CYP7A1: variants seen among roughly 807,000 people sequenced by gnomAD.
The protein encoded by CYP7A1 is cytochrome P450 family 7 subfamily A member 1, also known as cytochrome P450 7A1.
A neutral mutation model predicts 43.8 loss-of-function variants in CYP7A1; 28 were observed. The observed-to-expected ratio is 0.64, with a 90% CI of 0.47 to 0.88. The LOEUF (loss-of-function observed/expected upper bound fraction) is 0.88. Among genes scored for constraint, CYP7A1 ranks in the 40% least tolerant of loss-of-function variants. CYP7A1 has a pLI of 0.00. For missense variants in CYP7A1, 637 were observed against 611.9 expected (o/e 1.04, Z -0.43); for synonymous variants, 227 against 222.5 (o/e 1.02, Z -0.18).
In CYP7A1 at chr8:58,496,645, G is replaced by A. The variant is rs761796743; in HGVS notation, c.867C>T (p.Asn289=). 8 of 1,614,212 alleles carry A rather than the reference G, an allele frequency of 5.0e-6. 1 individual carries two copies. The South Asian group carries it at 8.8e-5, about 18-fold the overall frequency. The change falls in exon 3 of 6, where the codon AAC becomes AAT. Residue 289 remains asparagine, a synonymous_variant. Coordinates refer to ENST00000301645, the MANE Select transcript of CYP7A1 (RefSeq NM_000780.4). ...HLVVLWASQA[N]TIPATFWSLF... Reference sequence around the variant, plus strand: ...AACTCCAGAAAGTCGCTGGAATGGTGTTTGCTTGCGATGCCCAGAGGACCA... The same window carrying A: ...AACTCCAGAAAGTCGCTGGAATGGTATTTGCTTGCGATGCCCAGAGGACCA...
At chr8:58,498,193 A>G in intron 2 of CYP7A1, 36 bp downstream of exon 2, 1 of 1,611,382 alleles carries the variant, frequency 6.2e-7, no homozygotes, top group African/African-American at 1.3e-5. Flanking sequence ...AAGGTAGAAG[A>G]CAAACAGAAT....
At position 58,494,629 on chromosome 8, in the gene CYP7A1, C is replaced by G; in HGVS notation, c.916G>C (p.Glu306Gln). ...TCTTCAGTAGCTGCTTTCATTGCTT[C>G]TGGGTTCCTATTAAAAGGTAAGAGA... ...WSLFQMIRNP[E>Q]AMKAATEEVK... The change falls in exon 4 of 6, where the codon GAA (glutamate) becomes CAA (glutamine). Residue 306 changes from glutamate to glutamine, a missense_variant. Physicochemically the swap from Glu to Gln is conservative, Grantham distance 29 (BLOSUM62 2). Transcript: ENST00000301645. 1 of 1,613,882 alleles carries G rather than the reference C, an allele frequency of 6.2e-7. No individual in the cohort carries two copies. Among genetic ancestry groups the G allele is most frequent in the South Asian group, 1.1e-5 (1 of 91,080 alleles).
chr8:58,496,734 G>A lies in CYP7A1; in HGVS notation c.778C>T (p.Arg260Cys). 3 of 1,614,142 alleles carry A rather than the reference G, an allele frequency of 1.9e-6. No individual in the cohort carries two copies. The highest frequency in any genetic ancestry group is 2.5e-6 in the Non-Finnish European group (3 of 1,179,990). The change falls in exon 3 of 6, where the codon CGC (arginine) becomes TGC (cysteine). Residue 260 changes from arginine (R) to cysteine (C), a missense_variant. Physicochemically the swap from Arg to Cys is radical, Grantham distance 180. Coordinates refer to ENST00000301645, the MANE Select transcript of CYP7A1 (RefSeq NM_000780.4). ...GACAAAGTGTCATTGAGAAACATGCGCAGGCTGATCAGTTCTGAGATGCTT... is the reference window on the plus strand; with the variant it reads ...GACAAAGTGTCATTGAGAAACATGCACAGGCTGATCAGTTCTGAGATGCTT... ...RESISELISL[R>C]MFLNDTLSTF...
At chr8:58,494,429 T>C (rs1264337105) in intron 4 of CYP7A1, 77 bp downstream of exon 4, 5 of 1,470,930 alleles carry the variant, frequency 3.4e-6, no homozygotes. Flanking sequence ...ATTCGGTAAG[T>C]ATATAATTTA....
In CYP7A1 at chr8:58,492,338, T is replaced by A. The variant is rs1809363563; in HGVS notation, c.1215+15A>T. On this transcript the variant is annotated intron_variant, in intron 5 of 5. Coordinates refer to ENST00000301645, the MANE Select transcript of CYP7A1 (RefSeq NM_000780.4). ...CTATCACCTGGATATTGAATTTCAATGGGCAGGCACTTACCAAAGGGTCTG... is the reference window on the plus strand; with the variant it reads ...CTATCACCTGGATATTGAATTTCAAAGGGCAGGCACTTACCAAAGGGTCTG... 5.6e-6 allele frequency: 9 copies of A among 1,604,672 alleles called. No homozygotes were observed. Among genetic ancestry groups the A allele is most frequent in the Non-Finnish European group, 7.7e-6 (9 of 1,171,390 alleles).
In CYP7A1 at chr8:58,496,657, T is replaced by C; in HGVS notation, c.855A>G (p.Ala285=). The C allele has an allele frequency of 6.2e-7, 1 of 1,614,224 alleles. No homozygotes were observed. Among genetic ancestry groups the C allele is most frequent in the Non-Finnish European group, 8.5e-7 (1 of 1,180,028 alleles). The change falls in exon 3 of 6, where the codon GCA becomes GCG. Residue 285 remains alanine, a synonymous_variant. Transcript: ENST00000301645. The stretch of plus-strand genomic sequence containing the variant: ...TCGCTGGAATGGTGTTTGCTTGCGA[T>C]GCCCAGAGGACCACGAGGTGTGTCT... ...KAKTHLVVLW[A]SQANTIPATF...
chr8:58,495,765 T>C (rs938004889), intron 3 of CYP7A1, among the ~76,000 whole-genome samples: 1 of 152,232 alleles, frequency 6.6e-6, no homozygotes, highest in Non-Finnish European at 1.5e-5. Flanking sequence ...TAGTCAACAT[T>C]TGTGACAAAT....
intron 3 of CYP7A1, among the ~76,000 whole-genome samples, chr8:58,496,301 G>A (rs1696140851): frequency 6.6e-6 from 1 of 152,176 alleles, no homozygotes; most frequent in Non-Finnish European, 1.5e-5. Flanking sequence ...TAAGAGCAAG[G>A]GCTCTGGGCC....
At chr8:58,497,954 C>T (rs532343509) in intron 2 of CYP7A1, among the ~76,000 whole-genome samples, 9 of 152,318 alleles carry the variant, frequency 5.9e-5, no homozygotes, top group Admixed American at 2.0e-4. Context: ...CTATCTTATT[C>T]GTACAGTGCC....
rs1272767743 is a variant in CYP7A1, at chr8:58,498,376, T to G, written c.174A>C (p.Ala58=). 6.2e-7 allele frequency: 1 copy of G among 1,614,174 alleles called. No homozygotes were observed. The highest frequency in any genetic ancestry group is 8.5e-7 in the Non-Finnish European group (1 of 1,180,016). The change falls in exon 2 of 6, where the codon GCA becomes GCC. Residue 58 remains alanine (A), a synonymous_variant. Coordinates refer to ENST00000301645, the MANE Select transcript of CYP7A1 (RefSeq NM_000780.4). ...AAACATGACCATGTTTCCTTTGATT[T>G]GCTCTGAGGAACTCAAGAGGATTGG... is the stretch of plus-strand genomic sequence containing the variant. ...FGANPLEFLR[A]NQRKHGHVFT...
rs1585640099 is a variant in CYP7A1, at chr8:58,490,838, A to G, written c.*637T>C. 2.0e-5 allele frequency: 3 copies of G among 152,268 alleles called. No homozygotes were observed. The highest frequency in any genetic ancestry group is 2.0e-4 in the Admixed American group (3 of 15,288). The allele number at this position is 152,268 out of a possible 1,614,324, so 9.4% of individuals were successfully genotyped here. A position where few individuals can be genotyped will look rare whatever the true frequency, so the allele number is the denominator to read the frequency against. Reference sequence around the variant, plus strand: ...AGACATAACTAATCATAATCATTTGAAATATCCTTTATGATATATGATCAC... The same window carrying G: ...AGACATAACTAATCATAATCATTTGGAATATCCTTTATGATATATGATCAC... On this transcript the variant is annotated 3_prime_UTR_variant, in exon 6 of 6. Transcript: ENST00000301645.
chr8:58,491,342 C>T lies in CYP7A1; in HGVS notation c.*133G>A, dbSNP rs1400296402. ...CAAAATGTTAAGATTCACAAGCAAG[C>T]ACTGGTGAACAACATTGGACCTGGT... On this transcript the variant is annotated 3_prime_UTR_variant, in exon 6 of 6. Transcript: ENST00000301645. The T allele has an allele frequency of 1.2e-6, 1 of 825,186 alleles. No individual in the cohort carries two copies. The highest frequency in any genetic ancestry group is 2.2e-5 in the Admixed American group (1 of 46,192). The allele number at this position is 825,186 out of a possible 1,614,324, so 51.1% of individuals were successfully genotyped here.
chr8:58,495,045 A>G (rs930851345), intron 3 of CYP7A1, among the ~76,000 whole-genome samples: 2 of 150,830 alleles, frequency 1.3e-5, no homozygotes, highest in Admixed American at 6.6e-5. Context: ...GAGGCAGGAG[A>G]ATTGCTTGAG....
chr8:58,491,148 T>C lies in CYP7A1; in HGVS notation c.*327A>G. 3.3e-6 allele frequency: 1 copy of C among 307,580 alleles called. No homozygotes were observed. The highest frequency in any genetic ancestry group is 6.2e-6 in the Non-Finnish European group (1 of 162,404). 19.1% of individuals were successfully genotyped at this position (307,580 alleles called of 1,614,324 possible). A position where few individuals can be genotyped will look rare whatever the true frequency, so the allele number is the denominator to read the frequency against. On this transcript the variant is annotated 3_prime_UTR_variant, in exon 6 of 6. Coordinates refer to ENST00000301645, the MANE Select transcript of CYP7A1 (RefSeq NM_000780.4). ...CCACACCTGGCTGTAATGTGTATCTTCATTTTGAAAAAAAATAAAATAAAG... is the reference window on the plus strand; with the variant it reads ...CCACACCTGGCTGTAATGTGTATCTCCATTTTGAAAAAAAATAAAATAAAG...
Position 58,496,675 on chromosome 8 carries a change from G to T in CYP7A1, c.837C>A (p.His279Gln). ...CTTGCGATGCCCAGAGGACCACGAG[G>T]TGTGTCTTGGCCTTCTCCAGATCAT... ...TFDDLEKAKT[H>Q]LVVLWASQAN... The change falls in exon 3 of 6, where the codon CAC becomes CAA. Residue 279 changes from histidine to glutamine, a missense_variant. Physicochemically the swap from His to Gln is conservative, Grantham distance 24. Coordinates refer to ENST00000301645, the MANE Select transcript of CYP7A1 (RefSeq NM_000780.4). 3.1e-6 allele frequency: 5 copies of T among 1,614,238 alleles called. No homozygotes were observed. Among genetic ancestry groups the T allele is most frequent in the Middle Eastern group, 1.7e-4 (1 of 6,060 alleles).
rs1476565097 is a variant in CYP7A1 at position 58,498,362 on chromosome 8, T to C, written c.188A>G (p.His63Arg). The C allele has an allele frequency of 6.2e-7, 1 of 1,614,036 alleles. No individual in the cohort carries two copies. Among genetic ancestry groups the C allele is most frequent in the African/African-American group, 1.3e-5 (1 of 74,930 alleles). ...TAGTTTGCAGGTAAAAACATGACCA[T>C]GTTTCCTTTGATTTGCTCTGAGGAA... ...LEFLRANQRK[H>R]GHVFTCKLMG... Residue 63 changes from histidine to arginine, a missense_variant, in exon 2 of 6, where the codon CAT becomes CGT. Physicochemically the swap from His to Arg is conservative, Grantham distance 29. Transcript: ENST00000301645.
At chr8:58,494,857 C>T (rs371767776) in intron 3 of CYP7A1, among the ~76,000 whole-genome samples, 36 of 152,080 alleles carry the variant, frequency 2.4e-4, no homozygotes, top group Non-Finnish European at 4.4e-4. Flanking sequence ...ACCTTGCGGC[C>T]GGCCGTGGTG....
At chr8:58,499,131 A>T (rs1316732832) in intron 1 of CYP7A1, among the ~76,000 whole-genome samples, 2 of 152,222 alleles carry the variant, frequency 1.3e-5, no homozygotes, top group Non-Finnish European at 2.9e-5. Context: ...ATTTTCCAAC[A>T]TAAACTTCTG....
chr8:58,492,130 A>T (rs1382555823), intron 5 of CYP7A1, among the ~76,000 whole-genome samples: 1 of 152,252 alleles, frequency 6.6e-6, no homozygotes, highest in East Asian at 1.9e-4. Flanking sequence ...TCATGACTGC[A>T]AATATAATCT....
Sources: allele counts gnomAD v4.1 joint callset (sites outside exome capture counted in the v4.1 genomes callset), GRCh38; gene constraint gnomAD v4.1.1; transcripts MANE v1.5; gene names NCBI Gene and HGNC (gene_info 2026-07-23, HGNC 2026-07-21).